The following ANKRD26 variants were observed in gnomAD, a reference collection of about 807,000 sequenced individuals.
ANKRD26 encodes the protein ankyrin repeat domain 26.
In ANKRD26, 141 loss-of-function variants were observed where a neutral mutation model predicts 208.7. The ratio of observed to expected loss-of-function variants is 0.68; its 90% CI spans 0.59 to 0.78. ANKRD26 has a LOEUF of 0.78. ANKRD26 is among the 30% of genes least tolerant of loss of function. The probability of loss-of-function intolerance (pLI) is 0.00; values close to 1 mark genes in which losing one functional copy is unlikely to be tolerated. For missense variants in ANKRD26, 1,889 were observed against 1,938.7 expected, an observed-to-expected ratio of 0.97 and a Z score of 0.48; for synonymous variants, 636 against 660.4, an observed-to-expected ratio of 0.96 and a Z score of 0.57.
downstream of ANKRD26, among the ~76,000 whole-genome samples, chr10:26,973,713 G>C (rs2052183197): frequency 7.6e-6 from 1 of 132,446 alleles, no homozygotes; most frequent in African/African-American, 2.9e-5. Context: ...GAGTGCAGTG[G>C]TGCAATTTTG....
intron 9 of ANKRD26, among the ~76,000 whole-genome samples, chr10:27,071,416 C>T (rs368876297): frequency 1.3e-5 from 2 of 150,930 alleles, no homozygotes; most frequent in African/African-American, 2.4e-5. Context: ...CCTCGTGATC[C>T]GCCCGCCTCG....
intron 15 of ANKRD26, 112 bp downstream of exon 15, chr10:27,060,233 A>C (rs2055004201): frequency 6.5e-6 from 7 of 1,083,204 alleles, no homozygotes; most frequent in African/African-American, 3.2e-5. Flanking sequence ...AAATCCTTCC[A>C]ACAAATTTGG....
chr10:27,008,603 TA>T (rs2052976340), intron 32 of ANKRD26, among the ~76,000 whole-genome samples: 1 of 152,212 alleles, frequency 6.6e-6, no homozygotes. Flanking sequence ...AATACTTCCA[TA>T]ATATGTACGT....
chr10:27,098,020 G>C (rs1396852337), intron 1 of ANKRD26, among the ~76,000 whole-genome samples: 1 of 151,990 alleles, frequency 6.6e-6, no homozygotes, highest in Non-Finnish European at 1.5e-5. Context: ...GATTGTACCT[G>C]TTTGCATATA....
chr10:26,997,823 AC>A (rs1226041105), intron 4 of ANKRD26, among the ~76,000 whole-genome samples: 14 of 151,898 alleles, frequency 9.2e-5, no homozygotes, highest in Non-Finnish European at 1.9e-4. Context: ...CTTCCTTTCA[AC>A]CCCCACATCC....
In ANKRD26 at chr10:27,035,325, G is replaced by A; in HGVS notation, c.3125C>T (p.Ser1042Phe). Residue 1042 changes from serine (S) to phenylalanine (F), a missense_variant, in exon 24 of 34, where the codon TCT becomes TTT. Ser to Phe is a radical substitution (Grantham distance 155). Around this residue, in one of 3 missense-constraint regions of ANKRD26, gnomAD observed 1,272 missense variants for 1,273.8 expected, o/e 1.00. Transcript: ENST00000376087. Reference sequence around the variant, plus strand: ...AAAATTCATTTTGTCCTGTAAACGAGAACATTCATCTCTTGCTCTCTGGAA... The same window carrying A: ...AAAATTCATTTTGTCCTGTAAACGAAAACATTCATCTCTTGCTCTCTGGAA... ...LAFQRARDEC[S>F]RLQDKMNFDV... 2.5e-6 allele frequency: 4 copies of A among 1,613,848 alleles called. No homozygotes were observed. Among genetic ancestry groups the A allele is most frequent in the Non-Finnish European group, 3.4e-6 (4 of 1,179,898 alleles).
chr10:27,038,369 C>T (rs2054112463), intron 21 of ANKRD26, among the ~76,000 whole-genome samples: 1 of 152,100 alleles, frequency 6.6e-6, no homozygotes. Context: ...ATCTTTTTGG[C>T]TGGGTGCCAG....
intron 15 of ANKRD26, among the ~76,000 whole-genome samples, chr10:27,057,423 T>C (rs533488448): frequency 6.4e-4 from 97 of 152,362 alleles, no homozygotes; most frequent in African/African-American, 2.2e-3. Context: ...TTCAGGGATA[T>C]GAATTTTTTT....
At chr10:27,009,652 G>A (rs2053021547) in intron 32 of ANKRD26, among the ~76,000 whole-genome samples, 1 of 152,028 alleles carries the variant, frequency 6.6e-6, no homozygotes, top group African/African-American at 2.4e-5. Flanking sequence ...CACTGCTAGA[G>A]GAAATTAAAA....
chr10:26,959,995 C>CA, the ANKRD26 span, among the ~76,000 whole-genome samples: 1 of 151,340 alleles, frequency 6.6e-6, no homozygotes, highest in Non-Finnish European at 1.5e-5. Context: ...CTCGTCTCTA[C>CA]AAAATGAAAA....
At chr10:27,000,474 T>A (rs534562376), downstream of ANKRD26, among the ~76,000 whole-genome samples, 1 of 152,288 alleles carries the variant, frequency 6.6e-6, no homozygotes, top group Non-Finnish European at 1.5e-5. Context: ...ACTGTCACTA[T>A]TACAGATATT....
downstream of ANKRD26, among the ~76,000 whole-genome samples, chr10:26,987,181 C>T (rs1462523793): frequency 2.0e-5 from 3 of 151,364 alleles, no homozygotes; most frequent in Non-Finnish European, 4.4e-5. Context: ...ATTGCAAGGA[C>T]AAAAAACCAA....
chr10:27,048,313 C>T (rs967468554), intron 17 of ANKRD26, among the ~76,000 whole-genome samples: 1 of 151,984 alleles, frequency 6.6e-6, no homozygotes, highest in Admixed American at 6.5e-5. Context: ...TATAAATATC[C>T]TTAAAATACA....
At chr10:27,072,665 C>T (rs1341852855) in intron 9 of ANKRD26, among the ~76,000 whole-genome samples, 1 of 152,176 alleles carries the variant, frequency 6.6e-6, no homozygotes, top group African/African-American at 2.4e-5. Flanking sequence ...TAAAACTCAA[C>T]AAGCACAGCC....
At chr10:26,975,888 T>C (rs1011693641) in exon 6 of ANKRD26, among the ~76,000 whole-genome samples, 5 of 151,608 alleles carry the variant, frequency 3.3e-5, no homozygotes, top group African/African-American at 1.2e-4. Context: ...AATAAATAAA[T>C]GACAACTTAC....
Position 27,013,040 on chromosome 10 carries a change from T to A in ANKRD26, c.4795A>T (p.Thr1599Ser). 2 of 1,614,060 alleles carry A rather than the reference T, an allele frequency of 1.2e-6. No individual in the cohort carries two copies. The highest frequency in any genetic ancestry group is 1.7e-6 in the Non-Finnish European group (2 of 1,179,968). Residue 1599 changes from threonine (T) to serine (S), a missense_variant, in exon 32 of 34, where the codon ACC (threonine) becomes TCC (serine). Thr to Ser is a moderately conservative substitution (Grantham distance 58, BLOSUM62 1). Around this residue, in one of 3 missense-constraint regions of ANKRD26, gnomAD observed 613 missense variants for 648.2 expected, o/e 0.95. Coordinates refer to ENST00000376087, the MANE Select transcript of ANKRD26 (RefSeq NM_014915.3). ...ATGACTGGCCTGGTAGTGAGAGTGGTGAACAAAGATCTGCTCTGCTGTTTT... is the reference window on the plus strand; with the variant it reads ...ATGACTGGCCTGGTAGTGAGAGTGGAGAACAAAGATCTGCTCTGCTGTTTT... The part of the protein sequence containing the change: ...VEKQQSRSLF[T>S]TLTTRPVMEP...
At chr10:26,978,944 C>T (rs188433276) in intron 5 of ANKRD26, among the ~76,000 whole-genome samples, 48 of 152,146 alleles carry the variant, frequency 3.2e-4, no homozygotes, top group African/African-American at 1.1e-3. Flanking sequence ...CCAAAAGGGC[C>T]GGGCGCGATG....
At chr10:26,961,572 T>A in the ANKRD26 span, among the ~76,000 whole-genome samples, 40 of 152,240 alleles carry the variant, frequency 2.6e-4, no homozygotes, top group Non-Finnish European at 4.6e-4. Context: ...TGGCCAGGTG[T>A]GGCGGCACAT....
intron 9 of ANKRD26, among the ~76,000 whole-genome samples, chr10:27,071,155 A>G (rs908507561): frequency 5.7e-5 from 8 of 140,200 alleles, no homozygotes; most frequent in Admixed American, 4.4e-4. Context: ...CAATTGCTAC[A>G]TTCATTTTTT....
Sources: gnomAD v4.1 joint callset for allele counts (sites outside exome capture counted in the v4.1 genomes callset) on GRCh38, gnomAD v4.1.1 for gene constraint, gnomAD v4.1.1 regional missense constraint, MANE v1.5 for transcripts, NCBI Gene and HGNC (gene_info 2026-07-23, HGNC 2026-07-21) for gene names.